The following DRD3 variants were observed in gnomAD, a reference collection of about 807,000 sequenced individuals.
DRD3 encodes the protein D(3) dopamine receptor.
Under a neutral mutation model 36.3 loss-of-function variants are expected in DRD3, and 19 were observed. That is an observed-to-expected ratio of 0.52 (90% confidence interval 0.36 to 0.77). DRD3 has a LOEUF of 0.77. Ranked by LOEUF, DRD3 falls within the 30% of genes least tolerant of loss-of-function variation. DRD3 has a pLI of 0.00. For missense variants in DRD3, 465 were observed against 505.3 expected (o/e 0.92, Z 0.77); for synonymous variants, 195 against 203.7 (o/e 0.96, Z 0.36).
At chr3:114,156,773 TTCTTTCTTTCTTTCTTTC>T (rs2077678096) in intron 3 of DRD3, among the ~76,000 whole-genome samples, 1 of 126,882 alleles carries the variant, frequency 7.9e-6, no homozygotes, top group Admixed American at 8.5e-5. Context: ...CTTTCTTTCT[TTCTTTCTTTCTTTCTTTC>T]TTTCTTTCTC....
At chr3:114,178,549 T>C (rs1465005496) in intron 1 of DRD3, 108 bp downstream of exon 1, 1 of 152,156 alleles carries the variant, frequency 6.6e-6, no homozygotes, top group African/African-American at 2.4e-5. Context: ...AGAGTGGATA[T>C]TGAGTTTTAA....
chr3:114,192,126 A>G (rs1388817293), intron 1 of DRD3, among the ~76,000 whole-genome samples: 1 of 152,236 alleles, frequency 6.6e-6, no homozygotes, highest in Non-Finnish European at 1.5e-5. Context: ...GAAGCAGACT[A>G]TCCTCTGTGA....
chr3:114,134,735 A>G (rs1382160282), intron 5 of DRD3, among the ~76,000 whole-genome samples: 5 of 152,118 alleles, frequency 3.3e-5, no homozygotes, highest in African/African-American at 7.2e-5. Flanking sequence ...TTTTTTTTAA[A>G]TGGTGGTCCA....
chr3:114,137,922 C>A (rs111704809), intron 5 of DRD3, among the ~76,000 whole-genome samples: 1 of 140,652 alleles, frequency 7.1e-6, no homozygotes, highest in African/African-American at 2.6e-5. Context: ...GGCGTGAACC[C>A]GGGAGGCGGA....
rs1178347726 is a variant in DRD3 at position 114,133,425 on chromosome 3, G to GA, written c.724-2026dup. Among the ~76,000 whole-genome samples the GA allele has an allele frequency of 5.7e-4, 86 of 151,950 alleles. 1 individual carries two copies. Among genetic ancestry groups the GA allele is most frequent in the African/African-American group, 2.1e-3 (85 of 41,448 alleles). Reference sequence around the variant, plus strand: ...TTGTAGATGAAATAAGACTGACCACGAATTGATCACGACTGAGGCTGCCTG... The same window carrying GA: ...TTGTAGATGAAATAAGACTGACCACGAAATTGATCACGACTGAGGCTGCCTG... On this transcript the variant is annotated intron_variant, in intron 5 of 6. Transcript: ENST00000383673.
chr3:114,196,530 G>T (rs2107908525), intron 1 of DRD3, among the ~76,000 whole-genome samples: 1 of 152,184 alleles, frequency 6.6e-6, no homozygotes, highest in Non-Finnish European at 1.5e-5. Flanking sequence ...GGAATGACTG[G>T]GTCCTGTGAT....
In DRD3 at chr3:114,164,220, C is replaced by CAAAAAAAAAAAAAAAAAAAAAAAAA. The variant is rs34500434; in HGVS notation, c.271-4378_271-4354dup. On this transcript the variant is annotated intron_variant, in intron 2 of 6. Coordinates refer to ENST00000383673, the MANE Select transcript of DRD3 (RefSeq NM_000796.6). ...TGGGTGATAGAGCGAGCCTCAGTCTCAAAAAAAAAAAAAAAAAAAAAAAAA... is the reference window on the plus strand; with the variant it reads ...TGGGTGATAGAGCGAGCCTCAGTCTCAAAAAAAAAAAAAAAAAAAAAAAAAAAAAAAAAAAAAAAAAAAAAAAAAA... Among the ~76,000 whole-genome samples the CAAAAAAAAAAAAAAAAAAAAAAAAA allele has an allele frequency of 1.1e-4, 2 of 17,776 alleles. 1 individual carries two copies. The highest frequency in any genetic ancestry group is 2.4e-4 in the African/African-American group (2 of 8,288). 11.7% of individuals were successfully genotyped at this position (17,776 alleles called of 152,430 possible).
intron 1 of DRD3, among the ~76,000 whole-genome samples, chr3:114,188,036 G>T (rs2077984900): frequency 6.6e-6 from 1 of 151,974 alleles, no homozygotes; most frequent in Admixed American, 6.6e-5. Flanking sequence ...CTCCATATAG[G>T]TATCCAAGTG....
At position 114,171,817 on chromosome 3, in the gene DRD3, G is replaced by A. The variant is rs777136888; in HGVS notation, c.176C>T (p.Ala59Val). The change falls in exon 2 of 7, where the codon GCC becomes GTC. Residue 59 changes from alanine (A) to valine (V), a missense_variant. Transcript: ENST00000383673. ...LVCMAVLKER[A>V]LQTTTNYLVV... Reference sequence around the variant, plus strand: ...TAAGTAGTTGGTGGTAGTCTGCAGGGCCCGCTCCTTCAGCACAGCCATGCA... The same window carrying A: ...TAAGTAGTTGGTGGTAGTCTGCAGGACCCGCTCCTTCAGCACAGCCATGCA... 33 of 1,613,956 alleles carry A rather than the reference G, an allele frequency of 2.0e-5. No homozygotes were observed. The African/African-American group carries it at 3.7e-4, about 18-fold the overall frequency.
At chr3:114,150,301 C>T (rs1344570347) in intron 3 of DRD3, among the ~76,000 whole-genome samples, 2 of 152,248 alleles carry the variant, frequency 1.3e-5, no homozygotes, top group African/African-American at 4.8e-5. Context: ...CTCAGATGAA[C>T]TTTCCAGCCA....
At chr3:114,186,376 C>T (rs893394083) in intron 1 of DRD3, among the ~76,000 whole-genome samples, 1 of 152,162 alleles carries the variant, frequency 6.6e-6, no homozygotes, top group African/African-American at 2.4e-5. Context: ...ATCTGCCCAC[C>T]TTGGCCTCCC....
At chr3:114,192,139 G>A (rs1455262280) in intron 1 of DRD3, among the ~76,000 whole-genome samples, 3 of 152,202 alleles carry the variant, frequency 2.0e-5, no homozygotes, top group Non-Finnish European at 4.4e-5. Context: ...CTCTGTGATT[G>A]GTTAGAGGTG....
intron 1 of DRD3, chr3:114,175,837 T>C (rs79626250): frequency 6.6e-6 from 1 of 152,108 alleles, no homozygotes; most frequent in African/African-American, 2.4e-5. Flanking sequence ...TAAAAGTGGA[T>C]AGGAGGTAAA....
chr3:114,135,184 C>CT (rs1156755857), intron 5 of DRD3, among the ~76,000 whole-genome samples: 466 of 2,682 alleles, frequency 0.17, 224 homozygotes, highest in Middle Eastern at 1. Context: ...TGATATTTGT[C>CT]TTTTTTTTTT....
At chr3:114,189,760 C>T (rs1311159275) in intron 1 of DRD3, among the ~76,000 whole-genome samples, 1 of 152,142 alleles carries the variant, frequency 6.6e-6, no homozygotes, top group Non-Finnish European at 1.5e-5. Flanking sequence ...CTGTCTTGCC[C>T]CGAAGGGCTT....
intron 4 of DRD3, among the ~76,000 whole-genome samples, chr3:114,141,626 C>T (rs1559984152): frequency 6.6e-6 from 1 of 152,132 alleles, no homozygotes; most frequent in Non-Finnish European, 1.5e-5. Flanking sequence ...ACCAGTGATG[C>T]ATTTTACTGA....
chr3:114,149,475 TCTCCCCAC>T (rs1474506543), intron 3 of DRD3, among the ~76,000 whole-genome samples: 2 of 152,166 alleles, frequency 1.3e-5, no homozygotes, highest in Non-Finnish European at 2.9e-5. Context: ...CGTCTCCCCA[TCTCCCCAC>T]CTGAAAATTA....
At chr3:114,132,942 T>A (rs531737307) in intron 5 of DRD3, among the ~76,000 whole-genome samples, 75 of 152,244 alleles carry the variant, frequency 4.9e-4, no homozygotes, top group African/African-American at 1.7e-3. Flanking sequence ...AACTATTAAT[T>A]TTTTAGTGTG....
intron 2 of DRD3, among the ~76,000 whole-genome samples, chr3:114,168,417 T>C (rs76465829): frequency 0.035 from 5,384 of 152,328 alleles, 137 homozygotes; most frequent in Non-Finnish European, 0.054. Flanking sequence ...ACATCTTTTA[T>C]AAATAAAACA....
Sources: allele counts gnomAD v4.1 joint callset (sites outside exome capture counted in the v4.1 genomes callset), GRCh38; gene constraint gnomAD v4.1.1; transcripts MANE v1.5; gene names NCBI Gene and HGNC (gene_info 2026-07-23, HGNC 2026-07-21).